Variants in SFXN4 observed in about 807,000 individuals in gnomAD.
SFXN4 encodes the protein sideroflexin-4.
A neutral mutation model predicts 54.6 loss-of-function variants in SFXN4; 48 were observed. The observed-to-expected ratio is 0.88, with a 90% confidence interval of 0.70 to 1.12. The LOEUF is 1.12. SFXN4 is among the 50% of genes most tolerant of loss of function. The pLI, the probability that SFXN4 is intolerant of heterozygous loss-of-function variation, is 0.00. For missense variants in SFXN4, 383 were observed against 409.2 expected (o/e 0.94, Z 0.55); for synonymous variants, 130 against 145.5 (o/e 0.89, Z 0.77).
chr10:119,162,350 G>C lies in SFXN4; in HGVS notation c.242C>G (p.Ala81Gly). 6.2e-7 allele frequency: 1 copy of C among 1,613,974 alleles called. No individual in the cohort carries two copies. The highest frequency in any genetic ancestry group is 8.5e-7 in the Non-Finnish European group (1 of 1,179,922). Residue 81 changes from alanine to glycine, a missense_variant, in exon 3 of 14, where the codon GCG becomes GGG. Ala to Gly is a moderately conservative substitution (Grantham distance 60). Transcript: ENST00000355697. ...TNEDVSSPAS[A>G]DQRIQEAWKR... The stretch of plus-strand genomic sequence containing the variant: ...GCACGTGAAACATACCCTTTGGTCC[G>C]CCGAGGCAGGGCTGGAAACATCTTC...
At chr10:119,144,312 CT>C (rs749919064) in intron 13 of SFXN4, among the ~76,000 whole-genome samples, 14 of 152,034 alleles carry the variant, frequency 9.2e-5, no homozygotes, top group Non-Finnish European at 1.5e-4. Flanking sequence ...AAAAAATTAG[CT>C]GGGTGTGGTG....
Position 119,165,563 on chromosome 10 carries a change from C to G in SFXN4, c.85G>C (p.Val29Leu). 6.3e-7 allele frequency: 1 copy of G among 1,589,596 alleles called. No homozygotes were observed. ...TGGCGCTCGGTGATCCAGAAGCGCACGTTGGGCTCAATGAAGGCGGGGACG... is the reference window on the plus strand; with the variant it reads ...TGGCGCTCGGTGATCCAGAAGCGCAGGTTGGGCTCAATGAAGGCGGGGACG... Reference protein sequence around the residue: ...DAVPAFIEPNVRFWITERQSF... With the variant: ...DAVPAFIEPNLRFWITERQSF... Residue 29 changes from valine to leucine, a missense_variant, in exon 1 of 14, where the codon GTG (valine) becomes CTG (leucine). Coordinates refer to ENST00000355697, the MANE Select transcript of SFXN4 (RefSeq NM_213649.2).
chr10:119,144,914 T>G (rs946610557), intron 13 of SFXN4, among the ~76,000 whole-genome samples: 5 of 152,214 alleles, frequency 3.3e-5, no homozygotes, highest in African/African-American at 7.2e-5. Context: ...TTTCCATCAC[T>G]GCAGAAAGTT....
chr10:119,162,765 A>T (rs1468517104), intron 2 of SFXN4, among the ~76,000 whole-genome samples: 2 of 141,930 alleles, frequency 1.4e-5, no homozygotes, highest in Non-Finnish European at 3.2e-5. Flanking sequence ...TTATCAGTTC[A>T]GTCTTATTTC....
intron 11 of SFXN4, among the ~76,000 whole-genome samples, chr10:119,151,032 C>G (rs1183880604): frequency 6.6e-6 from 1 of 152,134 alleles, no homozygotes; most frequent in Non-Finnish European, 1.5e-5. Context: ...GTGTGATTCA[C>G]TTATGTATAA....
chr10:119,162,336 A>C lies in SFXN4; in HGVS notation c.252+4T>G. 1 of 1,613,984 alleles carries C rather than the reference A, an allele frequency of 6.2e-7. No individual in the cohort carries two copies. The highest frequency in any genetic ancestry group is 1.1e-5 in the South Asian group (1 of 91,074). On this transcript the variant is annotated splice_donor_region_variant and intron_variant, in intron 3 of 13. Coordinates refer to ENST00000355697, the MANE Select transcript of SFXN4 (RefSeq NM_213649.2). The stretch of plus-strand genomic sequence containing the variant: ...CCAGCCAGACCTGAGCACGTGAAAC[A>C]TACCCTTTGGTCCGCCGAGGCAGGG...
chr10:119,162,491 C>A, intron 2 of SFXN4, 77 bp from the exon 3 acceptor site: 1 of 1,237,370 alleles, frequency 8.1e-7, no homozygotes. Flanking sequence ...GAATCACCAG[C>A]TCACTCACCA....
chr10:119,163,959 G>C (rs1847657168), intron 2 of SFXN4, among the ~76,000 whole-genome samples, 172 bp downstream of exon 2: 1 of 144,344 alleles, frequency 6.9e-6, no homozygotes, highest in African/African-American at 2.6e-5. Flanking sequence ...AGAATCGCTT[G>C]AACCTGGGAG....
chr10:119,145,202 T>C (rs1214526781), intron 13 of SFXN4, among the ~76,000 whole-genome samples: 1 of 151,880 alleles, frequency 6.6e-6, no homozygotes, highest in African/African-American at 2.4e-5. Flanking sequence ...TCCCTCTTCC[T>C]CCTCCGCAGC....
chr10:119,152,756 G>A lies in SFXN4; in HGVS notation c.732+2306C>T, dbSNP rs115075139. Among the ~76,000 whole-genome samples the A allele has an allele frequency of 1.7e-3, 262 of 151,936 alleles. 4 individuals are homozygous for A. Among genetic ancestry groups the A allele is most frequent in the African/African-American group, 6.1e-3 (255 of 41,476 alleles). On this transcript the variant is annotated intron_variant, in intron 11 of 13. Transcript: ENST00000355697. ...TAGGATTTAAAGTAATATGTTTGGT[G>A]AGCTGAATAATGACGTATTTACCGA...
intron 13 of SFXN4, among the ~76,000 whole-genome samples, chr10:119,143,256 T>C (rs1846634011): frequency 6.6e-6 from 1 of 152,074 alleles, no homozygotes; most frequent in South Asian, 2.1e-4. Context: ...ATTCAGCCCT[T>C]CCCATCCTCC....
intron 3 of SFXN4, chr10:119,162,003 C>A (rs1005234569): frequency 5.7e-5 from 21 of 366,048 alleles, no homozygotes; most frequent in Non-Finnish European, 9.3e-5. Context: ...GACGTCAGAG[C>A]CCTGTCTGAA....
In SFXN4 at chr10:119,141,225, T is replaced by C; in HGVS notation, c.*17A>G. 3 of 1,584,454 alleles carry C rather than the reference T, an allele frequency of 1.9e-6. No homozygotes were observed. The highest frequency in any genetic ancestry group is 1.7e-6 in the Non-Finnish European group (2 of 1,160,558). ...GTTTTCAAGCAGGAACCACATAAATTCACCTAAAACTCACGCCTACACCCC... is the reference window on the plus strand; with the variant it reads ...GTTTTCAAGCAGGAACCACATAAATCCACCTAAAACTCACGCCTACACCCC... On this transcript the variant is annotated 3_prime_UTR_variant, in exon 14 of 14. Coordinates refer to ENST00000355697, the MANE Select transcript of SFXN4 (RefSeq NM_213649.2).
chr10:119,152,246 AG>A (rs1847102478), intron 11 of SFXN4, among the ~76,000 whole-genome samples: 1 of 144,568 alleles, frequency 6.9e-6, no homozygotes, highest in Non-Finnish European at 1.5e-5. Flanking sequence ...TTTTTTCCCC[AG>A]GGGAAAGCGC....
chr10:119,159,033 A>G (rs1439356514), intron 6 of SFXN4, among the ~76,000 whole-genome samples: 2 of 151,892 alleles, frequency 1.3e-5, no homozygotes, highest in Non-Finnish European at 2.9e-5. Flanking sequence ...TAATCCCAGC[A>G]CTTTCGGAGG....
Position 119,140,990 on chromosome 10 carries a change from C to A in SFXN4, c.*252G>T. On this transcript the variant is annotated 3_prime_UTR_variant, in exon 14 of 14. Coordinates refer to ENST00000355697, the MANE Select transcript of SFXN4 (RefSeq NM_213649.2). The stretch of plus-strand genomic sequence containing the variant: ...TCACAGTATCCTTTCGCAGGCCGAT[C>A]CCCACTCCAACCGTTCCCTCAGCAA... The A allele has an allele frequency of 2.5e-6, 1 of 404,022 alleles. No individual in the cohort carries two copies. Among genetic ancestry groups the A allele is most frequent in the African/African-American group, 2.1e-5 (1 of 48,680 alleles). The allele number at this position is 404,022 out of a possible 1,614,324, so 25.0% of individuals were successfully genotyped here. A position where few individuals can be genotyped will look rare whatever the true frequency, so the allele number is the denominator to read the frequency against.
At chr10:119,160,530 A>AG (rs1378733011) in intron 5 of SFXN4, among the ~76,000 whole-genome samples, 2 of 150,238 alleles carry the variant, frequency 1.3e-5, no homozygotes, top group African/African-American at 4.9e-5. Context: ...AAAAAAAAAA[A>AG]GAAAGAAATC....
chr10:119,165,511 C>T (rs957376266), intron 1 of SFXN4, 26 bp downstream of exon 1: 3 of 1,552,410 alleles, frequency 1.9e-6, no homozygotes, highest in South Asian at 1.2e-5. Context: ...CTCCCTGCCC[C>T]TAGTCGCGCC....
In SFXN4 at chr10:119,158,010, T is replaced by TGAGGTAAAATCAC; in HGVS notation, c.400_412dup (p.Gln138ArgfsTer27). 1 of 1,614,184 alleles carries TGAGGTAAAATCAC rather than the reference T, an allele frequency of 6.2e-7. No individual in the cohort carries two copies. The highest frequency in any genetic ancestry group is 1.1e-5 in the South Asian group (1 of 91,084). On this transcript the variant is annotated frameshift_variant and splice_region_variant, in exon 7 of 14. Transcript: ENST00000355697. LOFTEE classifies it high-confidence loss of function. ...TCGTGAAACAGGAAGAATGGCTACC[T>TGAGGTAAAATCAC]GAGGTAAAATCACGGACTTGATCCC... is the stretch of plus-strand genomic sequence containing the variant.
Sources: gnomAD v4.1 joint callset for allele counts (sites outside exome capture counted in the v4.1 genomes callset) on GRCh38, gnomAD v4.1.1 for gene constraint, MANE v1.5 for transcripts, NCBI Gene and HGNC (gene_info 2026-07-23, HGNC 2026-07-21) for gene names.